The following PALD1 variants were observed in gnomAD, a reference collection of about 807,000 sequenced individuals.
The protein encoded by PALD1 is paladin.
PALD1 carries 57 observed loss-of-function variants against 96.0 expected under a neutral mutation model. The ratio of observed to expected loss-of-function variants is 0.59; its 90% confidence interval spans 0.48 to 0.74. The LOEUF (loss-of-function observed/expected upper bound fraction) is 0.74. Among genes scored for constraint, PALD1 ranks in the 30% least tolerant of loss-of-function variants. The pLI is 0.00. For missense variants in PALD1, 1,063 were observed against 1,143.7 expected (o/e 0.93, Z 1.02); for synonymous variants, 464 against 473.6 (o/e 0.98, Z 0.26).
chr10:70,490,139 T>A (rs1589170630), intron 1 of PALD1, among the ~76,000 whole-genome samples: 1 of 152,208 alleles, frequency 6.6e-6, no homozygotes, highest in Non-Finnish European at 1.5e-5. Flanking sequence ...GCCAGGCTGG[T>A]CTTGAACTCC....
intron 1 of PALD1, among the ~76,000 whole-genome samples, chr10:70,500,020 T>A (rs1846264443): frequency 6.6e-6 from 1 of 152,050 alleles, no homozygotes; most frequent in Non-Finnish European, 1.5e-5. Context: ...CAGAGGTGGG[T>A]GTGGGCATGG....
intron 2 of PALD1, among the ~76,000 whole-genome samples, chr10:70,528,267 CTTGT>C (rs1033942531): frequency 1.3e-5 from 2 of 152,182 alleles, no homozygotes; most frequent in African/African-American, 4.8e-5. Context: ...CACAGTAAAT[CTTGT>C]TTGAGTGTTT....
chr10:70,556,234 C>T (rs1322804955), intron 18 of PALD1, among the ~76,000 whole-genome samples: 8 of 150,280 alleles, frequency 5.3e-5, no homozygotes, highest in Admixed American at 2.6e-4. Flanking sequence ...TGTGAGTACC[C>T]GTGTGCTTTT....
chr10:70,562,868 C>T (rs911696675), intron 18 of PALD1, among the ~76,000 whole-genome samples: 2 of 151,906 alleles, frequency 1.3e-5, no homozygotes, highest in African/African-American at 4.8e-5. Context: ...TATCCCCTGG[C>T]CTGTGGCCTG....
intron 1 of PALD1, among the ~76,000 whole-genome samples, chr10:70,508,529 G>A (rs921564116): frequency 6.6e-6 from 1 of 152,198 alleles, no homozygotes; most frequent in African/African-American, 2.4e-5. Context: ...CTCAGAAGCA[G>A]GGTCACTGGC....
chr10:70,462,330 T>C, the PALD1 span, among the ~76,000 whole-genome samples: 1 of 152,248 alleles, frequency 6.6e-6, no homozygotes, highest in Non-Finnish European at 1.5e-5. Flanking sequence ...GTTGTGAGGC[T>C]TAGGCGAGTT....
At chr10:70,474,466 CAGG>C (rs1358529524), upstream of PALD1, among the ~76,000 whole-genome samples, 2 of 152,080 alleles carry the variant, frequency 1.3e-5, no homozygotes, top group East Asian at 1.9e-4. Flanking sequence ...GAGCCTGAGG[CAGG>C]AGAATTGCTT....
intron 1 of PALD1, among the ~76,000 whole-genome samples, chr10:70,488,337 T>C (rs937302652): frequency 3.3e-5 from 5 of 152,082 alleles, no homozygotes; most frequent in Non-Finnish European, 7.3e-5. Context: ...CCCAGGCTGG[T>C]CTTGAACTCC....
At chr10:70,526,202 G>C (rs912947855) in intron 2 of PALD1, 66 bp downstream of exon 2, 1 of 1,361,672 alleles carries the variant, frequency 7.3e-7, no homozygotes, top group Non-Finnish European at 1.0e-6. Context: ...CCTGCTTGGG[G>C]GTGCAGTGGC....
intron 19 of PALD1, among the ~76,000 whole-genome samples, 200 bp downstream of exon 19, chr10:70,564,719 T>C (rs1847810657): frequency 6.6e-6 from 1 of 152,220 alleles, no homozygotes; most frequent in Admixed American, 6.5e-5. Context: ...AGTTTGTCTG[T>C]GCCTGGCAGG....
At chr10:70,507,619 G>A (rs1354290084) in intron 1 of PALD1, among the ~76,000 whole-genome samples, 1 of 152,066 alleles carries the variant, frequency 6.6e-6, no homozygotes, top group Non-Finnish European at 1.5e-5. Context: ...ATGGGGTTTC[G>A]CCACGTTGCC....
the PALD1 span, among the ~76,000 whole-genome samples, chr10:70,464,091 G>A: frequency 6.6e-6 from 1 of 152,278 alleles, no homozygotes; most frequent in South Asian, 2.1e-4. Flanking sequence ...CTCCCAGTCA[G>A]TGTTGCCCCT....
chr10:70,544,544 TC>T (rs1358188876), intron 17 of PALD1, among the ~76,000 whole-genome samples: 1 of 152,004 alleles, frequency 6.6e-6, no homozygotes, highest in Non-Finnish European at 1.5e-5. Flanking sequence ...AGCAGCCCAG[TC>T]CTCATTGGTA....
At chr10:70,477,288 T>C (rs1845841555), upstream of PALD1, among the ~76,000 whole-genome samples, 1 of 152,228 alleles carries the variant, frequency 6.6e-6, no homozygotes, top group African/African-American at 2.4e-5. Flanking sequence ...CCCAGCTCAC[T>C]GGCTTCTCAA....
rs146588391 is a variant in PALD1 at position 70,484,762 on chromosome 10, C to T, written c.-30+5703C>T. 2.1e-3 allele frequency among the ~76,000 whole-genome samples: 322 copies of T among 152,220 alleles called. 7 individuals carry two copies. The East Asian group carries it at 0.024, about 12-fold the overall frequency. The stretch of plus-strand genomic sequence containing the variant: ...CCATTTTGACCAGGTTGGTTTCAAA[C>T]TCCTGACATCAGGTGATCTGCCCGC... On this transcript the variant is annotated intron_variant, in intron 1 of 19. Transcript: ENST00000263563.
chr10:70,554,908 T>TC (rs1847561578), intron 18 of PALD1, among the ~76,000 whole-genome samples: 2 of 47,342 alleles, frequency 4.2e-5, no homozygotes, highest in African/African-American at 8.7e-5. Flanking sequence ...GAGCCTCCCC[T>TC]CCCCTCTCCT....
At position 70,539,169 on chromosome 10, in the gene PALD1, G is replaced by A. The variant is rs1177114300; in HGVS notation, c.1647G>A (p.Glu549=). The A allele has an allele frequency of 6.8e-6, 11 of 1,613,452 alleles. No homozygotes were observed. Among genetic ancestry groups the A allele is most frequent in the Non-Finnish European group, 9.3e-6 (11 of 1,179,760 alleles). Residue 549 remains glutamate, a synonymous_variant, in exon 14 of 20, where the codon GAG becomes GAA. Transcript: ENST00000263563. The surrounding 1 kb of genome is among the most constrained non-coding windows in gnomAD (Gnocchi z 4.5). ...AGGTTGTCTGGGTGAGCCTTCGGGA[G>A]GAGGCCGTGTTGGAGTGTGACGGGC... ...LRKVVWVSLR[E]EAVLECDGHT... is the part of the protein sequence containing the mutation.
At position 70,539,574 on chromosome 10, in the gene PALD1, G is replaced by C; in HGVS notation, c.1726-6G>C. 6.2e-7 allele frequency: 1 copy of C among 1,604,256 alleles called. No individual in the cohort carries two copies. The highest frequency in any genetic ancestry group is 8.5e-7 in the Non-Finnish European group (1 of 1,174,216). On this transcript the variant is annotated splice_region_variant and splice_polypyrimidine_tract_variant and intron_variant, in intron 14 of 19. Transcript: ENST00000263563. This position sits in a 1 kb window ranked among gnomAD's most constrained non-coding sequence, Gnocchi z 4.5. ...GGCCTGTGTCCTCCCTCCTGCCCTT[G>C]CCCAGACCCTGGAGGCCCAGCTGAA...
chr10:70,548,067 A>G (rs1358007543), intron 18 of PALD1, among the ~76,000 whole-genome samples: 3 of 152,138 alleles, frequency 2.0e-5, no homozygotes, highest in Non-Finnish European at 4.4e-5. Flanking sequence ...GCACTTTAGG[A>G]GGCCGAGACA....
Sources: allele counts gnomAD v4.1 joint callset (sites outside exome capture counted in the v4.1 genomes callset), GRCh38; gene constraint gnomAD v4.1.1; non-coding constraint Gnocchi (gnomAD v3.1); transcripts MANE v1.5; gene names NCBI Gene and HGNC (gene_info 2026-07-23, HGNC 2026-07-21).